Variants in MATR3 observed in about 807,000 individuals in gnomAD.
The protein encoded by MATR3 is matrin 3.
In MATR3, 4 loss-of-function variants were observed where a neutral mutation model predicts 85.5. That is an observed-to-expected ratio of 0.05 (90% confidence interval 0.02 to 0.11). The LOEUF (loss-of-function observed/expected upper bound fraction) is 0.11, where lower values mean the gene tolerates loss of function less well. Among genes scored for constraint, MATR3 ranks in the 10% least tolerant of loss-of-function variants. The pLI is 1.00. For missense variants in MATR3, 685 were observed against 1,016.1 expected (o/e 0.67, Z 4.43); for synonymous variants, 336 against 343.1 (o/e 0.98, Z 0.23).
chr5:139,289,320 G>A (rs932143434), upstream of MATR3, among the ~76,000 whole-genome samples: 1 of 152,218 alleles, frequency 6.6e-6, no homozygotes, highest in African/African-American at 2.4e-5. Context: ...TTGGGAGGCT[G>A]AGGAAGGAGG....
intron 6 of MATR3, among the ~76,000 whole-genome samples, chr5:139,317,372 G>C (rs1312389231): frequency 6.6e-6 from 1 of 152,186 alleles, no homozygotes; most frequent in Non-Finnish European, 1.5e-5. Context: ...TCACTACAGA[G>C]AGTATGTTTT....
In MATR3 at chr5:139,318,967, C is replaced by T. The variant is rs200027384; in HGVS notation, c.1368C>T (p.Thr456=). ...AGGCCGCAGTGGATTATTACACAAC[C>T]ACACCAGCGTTAGTATTTGGCAAGC... ...DAQAAVDYYT[T]TPALVFGKPV... Residue 456 remains threonine, a synonymous_variant, in exon 8 of 15, where the codon ACC becomes ACT. Coordinates refer to ENST00000394805, the MANE Select transcript of MATR3 (RefSeq NM_018834.6). 61 of 1,613,760 alleles carry T rather than the reference C, an allele frequency of 3.8e-5. No individual in the cohort carries two copies. The highest frequency in any genetic ancestry group is 4.6e-5 in the Non-Finnish European group (54 of 1,179,780).
chr5:139,302,559 T>C (rs1412164225), intron 1 of MATR3, among the ~76,000 whole-genome samples: 1 of 152,198 alleles, frequency 6.6e-6, no homozygotes, highest in Non-Finnish European at 1.5e-5. Flanking sequence ...ATTTAAATAG[T>C]AACTGAAACC....
intron 1 of MATR3, among the ~76,000 whole-genome samples, chr5:139,300,770 G>A (rs558407593): frequency 6.6e-6 from 1 of 152,180 alleles, no homozygotes; most frequent in African/African-American, 2.4e-5. Flanking sequence ...AGCCTCCCCA[G>A]TAGCTGGGAT....
chr5:139,303,126 G>T (rs532153067), intron 1 of MATR3, among the ~76,000 whole-genome samples: 1 of 151,356 alleles, frequency 6.6e-6, no homozygotes, highest in South Asian at 2.1e-4. Flanking sequence ...TTTTTGAGAC[G>T]ATGTTTGCTC....
chr5:139,313,690 A>G (rs1755108972), intron 2 of MATR3: 1 of 152,224 alleles, frequency 6.6e-6, no homozygotes, highest in African/African-American at 2.4e-5. Context: ...AAATTTGGAA[A>G]GAGGCACTCC....
At chr5:139,294,040 G>A in intron 1 of MATR3, 1 of 1,244,574 alleles carries the variant, frequency 8.0e-7, no homozygotes, top group Non-Finnish European at 1.0e-6. Flanking sequence ...TGAGCGGTCC[G>A]GGAGGGAAAC....
chr5:139,282,755 C>G (rs1581202199), intron 3 of MATR3: 1 of 152,210 alleles, frequency 6.6e-6, no homozygotes, highest in African/African-American at 2.4e-5. Flanking sequence ...GTTGAAGATA[C>G]CACATTACAC....
intron 2 of MATR3, among the ~76,000 whole-genome samples, chr5:139,309,261 T>C (rs1172184709): frequency 6.6e-6 from 1 of 152,188 alleles, no homozygotes; most frequent in Non-Finnish European, 1.5e-5. Flanking sequence ...AAGTCATTGT[T>C]ATAGCACCCC....
chr5:139,330,831 T>C lies in MATR3; in HGVS notation c.*1436T>C. 2.2e-6 allele frequency: 1 copy of C among 454,148 alleles called. No homozygotes were observed. The highest frequency in any genetic ancestry group is 4.4e-6 in the Non-Finnish European group (1 of 226,792). 28.1% of individuals were successfully genotyped at this position (454,148 alleles called of 1,614,324 possible). A position where few individuals can be genotyped will look rare whatever the true frequency, so the allele number is the denominator to read the frequency against. ...TTTCTTCCCTGACACAGGGTCTCAC[T>C]CTGTCACCCAGACTGGAGTGCAGTG... On this transcript the variant is annotated 3_prime_UTR_variant, in exon 15 of 15. Transcript: ENST00000394805.
At chr5:139,294,090 T>G in intron 1 of MATR3, 1 of 1,259,468 alleles carries the variant, frequency 7.9e-7, no homozygotes, top group South Asian at 2.6e-5. Context: ...CGGGAGATTT[T>G]GGGTGAAGAG....
chr5:139,293,765 GGA>G lies in MATR3; in HGVS notation c.-212_-211del. 5.1e-6 allele frequency: 2 copies of G among 389,260 alleles called. No individual in the cohort carries two copies. The highest frequency in any genetic ancestry group is 9.1e-6 in the Non-Finnish European group (2 of 220,796). The allele number at this position is 389,260 out of a possible 1,614,324, so 24.1% of individuals were successfully genotyped here. ...GGGAGTCTCCGCGTCCCGCTCGCTG[GGA>G]GAGAGGTACCTCTCCTTTTCCCTCT... On this transcript the variant is annotated 5_prime_UTR_variant, in exon 1 of 15. Transcript: ENST00000394805.
intron 3 of MATR3, among the ~76,000 whole-genome samples, chr5:139,285,882 GA>G (rs1239972284): frequency 6.6e-6 from 1 of 151,958 alleles, no homozygotes; most frequent in Admixed American, 6.6e-5. Context: ...AAAAAAAAAT[GA>G]AAAAGTGAAG....
At chr5:139,278,851 C>T (rs766595666) in intron 2 of MATR3, 4 of 517,166 alleles carry the variant, frequency 7.7e-6, no homozygotes, top group African/African-American at 5.8e-5. Flanking sequence ...AGAGCAAACA[C>T]TGTCTTTATT....
intron 1 of MATR3, among the ~76,000 whole-genome samples, chr5:139,301,552 C>T (rs1029787656): frequency 2.0e-5 from 3 of 152,024 alleles, no homozygotes; most frequent in Non-Finnish European, 4.4e-5. Context: ...GACTCCTGAC[C>T]TTAAAGTGAT....
chr5:139,303,743 ACT>A (rs1754571666), intron 1 of MATR3, among the ~76,000 whole-genome samples: 1 of 151,500 alleles, frequency 6.6e-6, no homozygotes, highest in Non-Finnish European at 1.5e-5. Flanking sequence ...GGAGTCAGAC[ACT>A]GTCTTTTTTT....
At chr5:139,316,965 T>C (rs1432335308) in intron 5 of MATR3, 88 bp from the exon 6 acceptor site, 7 of 990,362 alleles carry the variant, frequency 7.1e-6, no homozygotes, top group African/African-American at 1.6e-5. Context: ...TTTTCATTTG[T>C]GTTTGGAAGA....
At chr5:139,296,031 C>G (rs966958396) in intron 1 of MATR3, among the ~76,000 whole-genome samples, 1 of 152,042 alleles carries the variant, frequency 6.6e-6, no homozygotes, top group African/African-American at 2.4e-5. Context: ...ACAATATGGC[C>G]CAGGCTGGTG....
chr5:139,291,407 A>T (rs150781562), upstream of MATR3, among the ~76,000 whole-genome samples: 1 of 152,240 alleles, frequency 6.6e-6, no homozygotes, highest in East Asian at 1.9e-4. Flanking sequence ...GGCCTAATAT[A>T]TTGACACAGT....
Sources: allele counts gnomAD v4.1 joint callset (sites outside exome capture counted in the v4.1 genomes callset), GRCh38; gene constraint gnomAD v4.1.1; transcripts MANE v1.5; gene names NCBI Gene and HGNC (gene_info 2026-07-23, HGNC 2026-07-21).